Variants in PRKG1 observed in about 807,000 individuals in gnomAD.
The protein encoded by PRKG1 is protein kinase cGMP-dependent 1, also known as cGMP-dependent protein kinase 1.
Under a neutral mutation model 88.1 loss-of-function variants are expected in PRKG1, and 35 were observed. The observed-to-expected ratio is 0.40, with a 90% confidence interval of 0.30 to 0.53. PRKG1 has a LOEUF of 0.53. Among genes scored for constraint, PRKG1 ranks in the 20% least tolerant of loss-of-function variants. The pLI is 0.59. For synonymous variants in PRKG1, 303 were observed against 292.5 expected, an observed-to-expected ratio of 1.04 and a Z score of -0.37; for missense variants, 540 against 839.8, an observed-to-expected ratio of 0.64 and a Z score of 4.41.
intron 3 of PRKG1, among the ~76,000 whole-genome samples, chr10:51,528,909 A>G (rs1242288170): frequency 1.3e-5 from 2 of 152,158 alleles, no homozygotes; most frequent in African/African-American, 4.8e-5. Flanking sequence ...AATTCTCCAA[A>G]CAGGTCATAC....
intron 3 of PRKG1, among the ~76,000 whole-genome samples, chr10:51,628,232 C>G (rs1162947767): frequency 1.3e-5 from 2 of 150,220 alleles, no homozygotes; most frequent in African/African-American, 4.9e-5. Context: ...TGCAGTGGCA[C>G]AAACTTGCCT....
chr10:51,295,822 G>T (rs536935674), intron 2 of PRKG1, among the ~76,000 whole-genome samples: 2 of 152,014 alleles, frequency 1.3e-5, no homozygotes, highest in Non-Finnish European at 2.9e-5. Flanking sequence ...TTCATGTATG[G>T]CCTGTATTGT....
chr10:51,184,469 A>G (rs1361077624), intron 2 of PRKG1, among the ~76,000 whole-genome samples: 1 of 152,180 alleles, frequency 6.6e-6, no homozygotes, highest in Non-Finnish European at 1.5e-5. Flanking sequence ...GTTTCCAAAC[A>G]TGCTAAAGGC....
intron 3 of PRKG1, among the ~76,000 whole-genome samples, chr10:51,781,496 C>T (rs921101498): frequency 5.3e-5 from 8 of 152,106 alleles, no homozygotes; most frequent in African/African-American, 1.7e-4. Flanking sequence ...CTCACTGTGC[C>T]GACATTTGGA....
chr10:51,709,964 T>C (rs1322117271), intron 3 of PRKG1, among the ~76,000 whole-genome samples: 1 of 152,238 alleles, frequency 6.6e-6, no homozygotes, highest in African/African-American at 2.4e-5. Flanking sequence ...GGATACTCAT[T>C]ATTCAACTAA....
chr10:51,883,972 G>A (rs1056330082), intron 4 of PRKG1, among the ~76,000 whole-genome samples: 1 of 143,596 alleles, frequency 7.0e-6, no homozygotes, highest in African/African-American at 2.6e-5. Flanking sequence ...AAAACAGAAA[G>A]TGGTTTTCTA....
intron 3 of PRKG1, among the ~76,000 whole-genome samples, chr10:51,803,019 T>A (rs1839215560): frequency 6.6e-6 from 1 of 152,118 alleles, no homozygotes; most frequent in South Asian, 2.1e-4. Context: ...TTTGCCCACC[T>A]CTTTTGTAGC....
chr10:52,008,745 C>G (rs1564427062), intron 5 of PRKG1, among the ~76,000 whole-genome samples: 1 of 151,724 alleles, frequency 6.6e-6, no homozygotes, highest in Non-Finnish European at 1.5e-5. Context: ...TTTTTTGGAA[C>G]AGTTTCAACA....
Position 51,162,965 on chromosome 10 carries a change from T to C in PRKG1, c.478+9635T>C, listed in dbSNP as rs189954643. Among the ~76,000 whole-genome samples the C allele has an allele frequency of 3.0e-3, 457 of 152,274 alleles. 1 individual carries two copies. The highest frequency in any genetic ancestry group is 6.8e-3 in the Middle Eastern group (2 of 294). ...AATTTCTGGCCTGAGGTGATTCCCT[T>C]GCCTCAGGCTCTCAAACTTTTGGGA... On this transcript the variant is annotated intron_variant, in intron 2 of 17. Coordinates refer to ENST00000373980, the MANE Select transcript of PRKG1 (RefSeq NM_006258.4).
chr10:51,900,534 T>TA (rs1841956991), intron 4 of PRKG1, among the ~76,000 whole-genome samples: 2 of 152,148 alleles, frequency 1.3e-5, no homozygotes, highest in African/African-American at 4.8e-5. Context: ...ATTTCCAACA[T>TA]AAAAAAATCA....
At chr10:51,983,331 G>A (rs1172445960) in intron 5 of PRKG1, among the ~76,000 whole-genome samples, 1 of 152,252 alleles carries the variant, frequency 6.6e-6, no homozygotes, top group Admixed American at 6.5e-5. Context: ...TATGTGGGAG[G>A]TGGCCATGGG....
intron 5 of PRKG1, among the ~76,000 whole-genome samples, chr10:52,032,443 C>T (rs1589538027): frequency 6.6e-6 from 1 of 152,032 alleles, no homozygotes; most frequent in East Asian, 1.9e-4. Context: ...AATCATTGTC[C>T]TAATTGAGAT....
chr10:51,439,648 C>G (rs1372941659), intron 2 of PRKG1, among the ~76,000 whole-genome samples: 1 of 151,892 alleles, frequency 6.6e-6, no homozygotes, highest in Non-Finnish European at 1.5e-5. Flanking sequence ...GTAAATTCCA[C>G]TAAGCAAAGA....
chr10:52,260,267 A>G lies in PRKG1; in HGVS notation c.1173+8601A>G, dbSNP rs74135382. ...AACATCAGAAGGACAAAGTTTGAGG[A>G]TAGCATGTAATAAGACATTAAGATC... On this transcript the variant is annotated intron_variant, in intron 10 of 17. Transcript: ENST00000373980. Among the ~76,000 whole-genome samples, 1,395 of 152,272 alleles carry G rather than the reference A, an allele frequency of 9.2e-3. 24 individuals carry two copies. Among genetic ancestry groups the G allele is most frequent in the African/African-American group, 0.032 (1,319 of 41,564 alleles).
chr10:51,552,946 G>A (rs1012589018), intron 3 of PRKG1, among the ~76,000 whole-genome samples: 8 of 151,486 alleles, frequency 5.3e-5, no homozygotes, highest in African/African-American at 1.9e-4. Context: ...TAAATCTATT[G>A]AGGAAGATTG....
chr10:51,705,213 T>C (rs1841577134), intron 3 of PRKG1, among the ~76,000 whole-genome samples: 1 of 152,194 alleles, frequency 6.6e-6, no homozygotes, highest in Admixed American at 6.5e-5. Context: ...TCTTCAATGC[T>C]CACCTCAAAG....
chr10:51,335,601 G>A (rs183918547), intron 2 of PRKG1, among the ~76,000 whole-genome samples: 6 of 151,942 alleles, frequency 3.9e-5, no homozygotes, highest in East Asian at 1.9e-4. Flanking sequence ...GCACGATGTC[G>A]GCTTACTGCA....
chr10:52,125,271 G>A (rs1388438780), intron 7 of PRKG1, among the ~76,000 whole-genome samples: 1 of 152,128 alleles, frequency 6.6e-6, no homozygotes, highest in East Asian at 1.9e-4. Context: ...TGTTGCATAT[G>A]TGGTCTGTTT....
At chr10:51,623,730 T>G (rs945580693) in intron 3 of PRKG1, among the ~76,000 whole-genome samples, 24 of 152,246 alleles carry the variant, frequency 1.6e-4, no homozygotes, top group Non-Finnish European at 8.8e-5. Context: ...GAGTTGGTCT[T>G]GTCTAAGTTG....
Sources: gnomAD v4.1 joint callset for allele counts (sites outside exome capture counted in the v4.1 genomes callset) on GRCh38, gnomAD v4.1.1 for gene constraint, MANE v1.5 for transcripts, NCBI Gene and HGNC (gene_info 2026-07-23, HGNC 2026-07-21) for gene names.